Variants in HDAC9 observed in about 807,000 individuals in gnomAD.
HDAC9 encodes the protein histone deacetylase 9.
A neutral mutation model predicts 139.4 loss-of-function variants in HDAC9; 41 were observed. The observed-to-expected ratio is 0.29, with a 90% CI of 0.23 to 0.38. HDAC9 has a LOEUF of 0.38. HDAC9 is among the 10% of genes least tolerant of loss of function. HDAC9 has a pLI of 1.00. For synonymous variants in HDAC9, 517 were observed against 476.2 expected, an observed-to-expected ratio of 1.09 and a Z score of -1.12; for missense variants, 1,147 against 1,297.0, an observed-to-expected ratio of 0.88 and a Z score of 1.78.
intron 1 of HDAC9, among the ~76,000 whole-genome samples, chr7:18,088,401 T>G (rs1781933631): frequency 1.3e-5 from 2 of 152,156 alleles, no homozygotes; most frequent in Admixed American, 1.3e-4. Context: ...CAGAGCACTG[T>G]CATGTTTTCA....
At chr7:18,220,450 C>A (rs1792620417) in intron 2 of HDAC9, among the ~76,000 whole-genome samples, 1 of 152,010 alleles carries the variant, frequency 6.6e-6, no homozygotes, top group African/African-American at 2.4e-5. Context: ...TGTATAGATA[C>A]ATAGATGTTC....
chr7:18,447,989 C>T (rs755848230), intron 1 of HDAC9, among the ~76,000 whole-genome samples: 2 of 152,080 alleles, frequency 1.3e-5, no homozygotes, highest in Non-Finnish European at 2.9e-5. Flanking sequence ...TACAGACGTG[C>T]ACCACAATAC....
chr7:18,520,194 G>A (rs528509360), intron 2 of HDAC9, among the ~76,000 whole-genome samples: 13 of 152,096 alleles, frequency 8.5e-5, no homozygotes, highest in African/African-American at 2.2e-4. Context: ...ATTAATTTAC[G>A]TATCTGTGAG....
chr7:18,763,632 A>C (rs898495788), intron 15 of HDAC9, among the ~76,000 whole-genome samples: 1 of 152,150 alleles, frequency 6.6e-6, no homozygotes, highest in African/African-American at 2.4e-5. Context: ...CAAATATTGT[A>C]TAATAAATGT....
intron 1 of HDAC9, among the ~76,000 whole-genome samples, chr7:18,090,155 G>A (rs1031639758): frequency 6.6e-6 from 1 of 152,080 alleles, no homozygotes; most frequent in African/African-American, 2.4e-5. Flanking sequence ...GGAAGGAGGC[G>A]GCAGGTACAC....
chr7:18,727,998 G>A (rs964003085), intron 13 of HDAC9, among the ~76,000 whole-genome samples: 24 of 152,102 alleles, frequency 1.6e-4, no homozygotes, highest in Admixed American at 1.1e-3. Flanking sequence ...TACATCAACA[G>A]GTGCATGAGT....
chr7:18,791,647 C>T (rs1216714717), intron 16 of HDAC9, among the ~76,000 whole-genome samples: 1 of 152,122 alleles, frequency 6.6e-6, no homozygotes, highest in Admixed American at 6.6e-5. Flanking sequence ...TCCTAGAAAG[C>T]ACGGGTTTCT....
At chr7:18,773,362 TATACACACACACACAC>T (rs1299903242) in intron 16 of HDAC9, among the ~76,000 whole-genome samples, 1 of 116,878 alleles carries the variant, frequency 8.6e-6, no homozygotes, top group Admixed American at 1.0e-4. Context: ...TAAAAAACTG[TATACACACACACACAC>T]ACACACACAC....
At chr7:18,507,229 C>T (rs572153192) in intron 2 of HDAC9, among the ~76,000 whole-genome samples, 4 of 148,516 alleles carry the variant, frequency 2.7e-5, no homozygotes, top group African/African-American at 7.6e-5. Flanking sequence ...CTCACTCTGT[C>T]GCCCAGGCTG....
chr7:18,629,611 T>A, intron 7 of HDAC9, 130 bp downstream of exon 7: 1 of 909,702 alleles, frequency 1.1e-6, no homozygotes, highest in African/African-American at 1.7e-5. Context: ...GAAATTATAT[T>A]GAAAACTCAC....
At chr7:18,953,143 T>C (rs1015865643) in intron 23 of HDAC9, among the ~76,000 whole-genome samples, 2 of 152,116 alleles carry the variant, frequency 1.3e-5, no homozygotes, top group East Asian at 1.9e-4. Context: ...GTTCATGCTT[T>C]GATGCGTCTA....
chr7:18,577,878 A>C (rs1173514606), intron 2 of HDAC9, among the ~76,000 whole-genome samples: 1 of 152,200 alleles, frequency 6.6e-6, no homozygotes, highest in African/African-American at 2.4e-5. Context: ...TATGAAACCC[A>C]ATCCATAATA....
chr7:18,140,654 T>C lies in HDAC9; in HGVS notation c.-96-21575T>C, dbSNP rs554809684. ...GATAACAGATTTTTAAAATAAGTTA[T>C]TGGTTGGTATGCAGTATTTGAAAGA... On this transcript the variant is annotated intron_variant, in intron 1 of 12. Coordinates refer to the HDAC9 transcript ENST00000417496. Among the ~76,000 whole-genome samples the C allele has an allele frequency of 2.6e-5, 4 of 152,306 alleles. No individual in the cohort carries two copies. The East Asian group carries it at 7.7e-4, about 29-fold the overall frequency.
chr7:18,565,313 A>T lies in HDAC9; in HGVS notation c.23-19968A>T, dbSNP rs531940699. On this transcript the variant is annotated intron_variant, in intron 2 of 25. Transcript: ENST00000686413. ...GCTCAGCCAAATAAATGTATTTTTT[A>T]AAAAATATCCCATGGTTTGTTTATC... Among the ~76,000 whole-genome samples the T allele has an allele frequency of 5.3e-5, 8 of 152,312 alleles. No individual in the cohort carries two copies. The South Asian group carries it at 8.3e-4, about 16-fold the overall frequency.
At chr7:18,471,805 G>C (rs1226454980) in intron 1 of HDAC9, among the ~76,000 whole-genome samples, 1 of 152,162 alleles carries the variant, frequency 6.6e-6, no homozygotes, top group African/African-American at 2.4e-5. Context: ...AACCATCCTT[G>C]TGGAGAGAAA....
chr7:18,279,036 T>G (rs1416049480), intron 2 of HDAC9, among the ~76,000 whole-genome samples: 1 of 152,172 alleles, frequency 6.6e-6, no homozygotes, highest in African/African-American at 2.4e-5. Flanking sequence ...ATTAGAAAGA[T>G]ATCGGACCAA....
chr7:18,538,413 C>T (rs961146747), intron 2 of HDAC9, among the ~76,000 whole-genome samples: 3 of 152,228 alleles, frequency 2.0e-5, no homozygotes, highest in Admixed American at 6.5e-5. Flanking sequence ...TTTATCGCTT[C>T]ATTCTCATTG....
intron 16 of HDAC9, among the ~76,000 whole-genome samples, chr7:18,768,605 A>G (rs1467496090): frequency 6.6e-6 from 1 of 152,164 alleles, no homozygotes; most frequent in Non-Finnish European, 1.5e-5. Flanking sequence ...CTTATTTTCT[A>G]ACATCTCAAA....
intron 1 of HDAC9, among the ~76,000 whole-genome samples, chr7:18,374,180 C>G (rs1173893721): frequency 6.9e-6 from 1 of 144,076 alleles, no homozygotes; most frequent in East Asian, 2.0e-4. Flanking sequence ...ATGCATAAAT[C>G]TAGTGTGTAT....
Sources: gnomAD v4.1 joint callset for allele counts (sites outside exome capture counted in the v4.1 genomes callset) on GRCh38, gnomAD v4.1.1 for gene constraint, MANE v1.5 for transcripts, NCBI Gene and HGNC (gene_info 2026-07-23, HGNC 2026-07-21) for gene names.